LUC7L3: variants seen among roughly 807,000 people sequenced by gnomAD.
LUC7L3 encodes the protein LUC7 like 3 pre-mRNA splicing factor, also known as luc7-like protein 3.
A neutral mutation model predicts 66.8 loss-of-function variants in LUC7L3; 6 were observed. The observed-to-expected ratio is 0.09, with a 90% CI of 0.05 to 0.18. LUC7L3 has a LOEUF of 0.18. Ranked by LOEUF, LUC7L3 falls within the 10% of genes least tolerant of loss-of-function variation. The pLI, the probability that LUC7L3 is intolerant of heterozygous loss-of-function variation, is 1.00. For synonymous variants in LUC7L3, 160 were observed against 174.7 expected (o/e 0.92, Z 0.66); for missense variants, 341 against 531.1 (o/e 0.64, Z 3.52).
At chr17:50,728,635 C>G (rs548190574) in intron 1 of LUC7L3, among the ~76,000 whole-genome samples, 1 of 152,238 alleles carries the variant, frequency 6.6e-6, no homozygotes, top group Non-Finnish European at 1.5e-5. Flanking sequence ...TCACTGCAAA[C>G]CTCCGCTTCC....
chr17:50,741,267 C>T (rs763713322), intron 4 of LUC7L3, 21 bp downstream of exon 4: 14 of 1,610,164 alleles, frequency 8.7e-6, no homozygotes, highest in Non-Finnish European at 1.2e-5. Flanking sequence ...TCAATTCAGT[C>T]TTTGTAAACG....
intron 1 of LUC7L3, among the ~76,000 whole-genome samples, chr17:50,732,223 A>C (rs2146717476): frequency 6.6e-6 from 1 of 152,326 alleles, no homozygotes; most frequent in East Asian, 1.9e-4. Flanking sequence ...ATAAAGTAGA[A>C]ATCTTAGGGG....
At chr17:50,749,878 T>C (rs1198555219) in intron 9 of LUC7L3, among the ~76,000 whole-genome samples, 1 of 152,220 alleles carries the variant, frequency 6.6e-6, no homozygotes, top group Admixed American at 6.5e-5. Context: ...GAGTTGAATT[T>C]TAATTTCTCT....
At chr17:50,743,606 C>CA (rs1266676137) in intron 5 of LUC7L3, 100 bp from the exon 6 acceptor site, 24 of 727,476 alleles carry the variant, frequency 3.3e-5, no homozygotes, top group Non-Finnish European at 5.2e-5. Context: ...TGAAACCAAA[C>CA]AAAAAAGATG....
In LUC7L3 at chr17:50,753,000, A is replaced by C. The variant is rs1377035906; in HGVS notation, c.*2339A>C. 6.6e-6 allele frequency: 1 copy of C among 152,222 alleles called. No homozygotes were observed. Among genetic ancestry groups the C allele is most frequent in the East Asian group, 1.9e-4 (1 of 5,196 alleles). 9.4% of individuals were successfully genotyped at this position (152,222 alleles called of 1,614,324 possible). ...GGCTAGCTATGGGATGATGTAGAAA[A>C]GCATTCAAGAGCTAGTTTTTGTTAA... On this transcript the variant is annotated 3_prime_UTR_variant, in exon 10 of 10. Coordinates refer to ENST00000505658, the MANE Select transcript of LUC7L3 (RefSeq NM_016424.5).
rs961368287 is a variant in LUC7L3, at chr17:50,719,695, G to T, written c.-38G>T. ...GTCGCCCGTGTTTTCGTTGGCGGGT[G>T]CCTGGGCTGGTGGGAACAGCCGCCC... On this transcript the variant is annotated 5_prime_UTR_variant, in exon 1 of 10. Coordinates refer to ENST00000505658, the MANE Select transcript of LUC7L3 (RefSeq NM_016424.5). The T allele has an allele frequency of 2.6e-6, 4 of 1,549,990 alleles. No homozygotes were observed. The highest frequency in any genetic ancestry group is 2.7e-5 in the African/African-American group (2 of 73,384).
chr17:50,745,675 G>A, intron 7 of LUC7L3, 45 bp from the exon 8 acceptor site: 1 of 1,488,504 alleles, frequency 6.7e-7, no homozygotes, highest in Non-Finnish European at 9.1e-7. Flanking sequence ...GTTTAACAAT[G>A]CTTTAAAGTT....
rs201002018 is a variant in LUC7L3, at chr17:50,744,744, A to G, written c.624A>G (p.Val208=). Residue 208 remains valine (V), a synonymous_variant, in exon 7 of 10, where the codon GTA becomes GTG. Coordinates refer to ENST00000505658, the MANE Select transcript of LUC7L3 (RefSeq NM_016424.5). ...TAGTAGGAGATGCCCAGTCCCGGGT[A>G]GATGACCATTTGATGGGAAAACAAC... The part of the protein sequence containing the change: ...FLIVGDAQSR[V]DDHLMGKQHM... The G allele has an allele frequency of 6.2e-7, 1 of 1,614,024 alleles. No homozygotes were observed. The highest frequency in any genetic ancestry group is 2.2e-5 in the East Asian group (1 of 44,894).
rs1193895431 is a variant in LUC7L3 at position 50,755,181 on chromosome 17, A to G, written c.*4520A>G. On this transcript the variant is annotated 3_prime_UTR_variant, in exon 10 of 10. Transcript: ENST00000505658. ...TTGTATTATAATTGTAATGTTGCCC[A>G]TGGTTAAAAAAAAAAAGTGTTCAGT... is the stretch of plus-strand genomic sequence containing the variant. 1 of 152,056 alleles carries G rather than the reference A, an allele frequency of 6.6e-6. No homozygotes were observed. The highest frequency in any genetic ancestry group is 1.5e-5 in the Non-Finnish European group (1 of 68,000). 9.4% of individuals were successfully genotyped at this position (152,056 alleles called of 1,614,324 possible).
At position 50,741,730 on chromosome 17, in the gene LUC7L3, A is replaced by G; in HGVS notation, c.425A>G (p.Gln142Arg). 1 of 1,611,808 alleles carries G rather than the reference A, an allele frequency of 6.2e-7. No individual in the cohort carries two copies. The highest frequency in any genetic ancestry group is 8.5e-7 in the Non-Finnish European group (1 of 1,178,182). Reference protein sequence around the residue: ...LTDKIDVLLQQIEELGSEGKV... With the variant: ...LTDKIDVLLQRIEELGSEGKV... ...GACAAAATTGATGTACTTCTGCAAC[A>G]GGTGAGAATTGTGTGCATTAATGTC... Residue 142 changes from glutamine (Q) to arginine (R), a missense_variant and splice_region_variant, in exon 5 of 10, where the codon CAG becomes CGG. This residue lies in a region of LUC7L3 where 86 missense variants were observed against 172.0 expected (regional missense o/e 0.50). Coordinates refer to ENST00000505658, the MANE Select transcript of LUC7L3 (RefSeq NM_016424.5).
At chr17:50,737,405 C>T in intron 2 of LUC7L3, 1 of 445,046 alleles carries the variant, frequency 2.2e-6, no homozygotes. Flanking sequence ...TAAAAGCCTG[C>T]AGAAGGGGAT....
chr17:50,727,413 G>A (rs1354748733), intron 1 of LUC7L3, among the ~76,000 whole-genome samples: 1 of 152,162 alleles, frequency 6.6e-6, no homozygotes, highest in East Asian at 1.9e-4. Flanking sequence ...AGAGTGCCAG[G>A]CTCTGTTCAA....
chr17:50,742,779 T>C (rs967278047), intron 5 of LUC7L3, among the ~76,000 whole-genome samples: 1 of 152,190 alleles, frequency 6.6e-6, no homozygotes, highest in Non-Finnish European at 1.5e-5. Context: ...ATGAGTGCTA[T>C]ATTCATAATG....
chr17:50,741,019 G>C (rs1022627773), intron 3 of LUC7L3, 83 bp from the exon 4 acceptor site: 9 of 1,344,056 alleles, frequency 6.7e-6, no homozygotes, highest in Non-Finnish European at 9.5e-6. Context: ...TGGAATAGTC[G>C]TTGAGGCTAG....
chr17:50,730,760 G>A (rs968542286), intron 1 of LUC7L3, among the ~76,000 whole-genome samples: 2 of 151,588 alleles, frequency 1.3e-5, no homozygotes, highest in African/African-American at 4.8e-5. Flanking sequence ...GGCCAACATG[G>A]CTTAACCCCC....
At chr17:50,744,872 C>T (rs556528871) in intron 7 of LUC7L3, 59 bp downstream of exon 7, 51 of 1,419,786 alleles carry the variant, frequency 3.6e-5, no homozygotes, top group South Asian at 1.8e-4. Context: ...AGTGCAGTGA[C>T]GCGATCTCAG....
At chr17:50,740,597 C>T (rs915694371) in intron 3 of LUC7L3, among the ~76,000 whole-genome samples, 1 of 151,934 alleles carries the variant, frequency 6.6e-6, no homozygotes, top group Non-Finnish European at 1.5e-5. Context: ...CTCACTGTGT[C>T]GCTCAGGCTG....
intron 3 of LUC7L3, among the ~76,000 whole-genome samples, chr17:50,740,810 T>A (rs1159847475): frequency 1.3e-5 from 2 of 152,212 alleles, no homozygotes; most frequent in Non-Finnish European, 2.9e-5. Flanking sequence ...TCCACCCACC[T>A]CGGCCTCCCA....
At position 50,752,762 on chromosome 17, in the gene LUC7L3, T is replaced by C. The variant is rs1014913029; in HGVS notation, c.*2101T>C. ...GTTACACTATTACTAGAGGTGTTGG[T>C]GTACAGTTTTATCTGATTTGTTCTG... On this transcript the variant is annotated 3_prime_UTR_variant, in exon 10 of 10. Coordinates refer to ENST00000505658, the MANE Select transcript of LUC7L3 (RefSeq NM_016424.5). 8 of 152,236 alleles carry C rather than the reference T, an allele frequency of 5.3e-5. No homozygotes were observed. The highest frequency in any genetic ancestry group is 2.1e-4 in the South Asian group (1 of 4,834). 9.4% of individuals were successfully genotyped at this position (152,236 alleles called of 1,614,324 possible).
Sources: allele counts gnomAD v4.1 joint callset (sites outside exome capture counted in the v4.1 genomes callset), GRCh38; gene constraint gnomAD v4.1.1; regional missense constraint gnomAD v4.1.1; transcripts MANE v1.5; gene names NCBI Gene and HGNC (gene_info 2026-07-23, HGNC 2026-07-21).